NFIC: variants seen among roughly 807,000 people sequenced by gnomAD.
The protein encoded by NFIC is nuclear factor I C, also known as nuclear factor 1 C-type.
In NFIC, 12 loss-of-function variants were observed where a neutral mutation model predicts 54.4. The ratio of observed to expected loss-of-function variants is 0.22; its 90% confidence interval spans 0.14 to 0.36. The LOEUF (loss-of-function observed/expected upper bound fraction) is 0.36. Ranked by LOEUF, NFIC falls within the 10% of genes least tolerant of loss-of-function variation. The pLI, the probability that NFIC is intolerant of heterozygous loss-of-function variation, is 1.00. For missense variants in NFIC, 575 were observed against 718.2 expected, an observed-to-expected ratio of 0.80 and a Z score of 2.28; for synonymous variants, 322 against 319.2, an observed-to-expected ratio of 1.01 and a Z score of -0.09.
At chr19:3,414,222 A>G (rs1339217713) in intron 2 of NFIC, among the ~76,000 whole-genome samples, 1 of 152,154 alleles carries the variant, frequency 6.6e-6, no homozygotes, top group East Asian at 1.9e-4. Context: ...GGCCAGTGAC[A>G]CTGTAAACAT....
At chr19:3,361,331 C>A (rs1194777004) in intron 1 of NFIC, among the ~76,000 whole-genome samples, 1 of 152,124 alleles carries the variant, frequency 6.6e-6, no homozygotes, top group East Asian at 1.9e-4. Context: ...AGGACGGGCC[C>A]GGGAGGTGGC....
At chr19:3,401,567 C>T (rs1351938125) in intron 2 of NFIC, among the ~76,000 whole-genome samples, 1 of 152,194 alleles carries the variant, frequency 6.6e-6, no homozygotes, top group Non-Finnish European at 1.5e-5. Context: ...CGGCGCAGCA[C>T]TGGGCACGCC....
At chr19:3,425,779 C>T (rs906479723) in intron 3 of NFIC, among the ~76,000 whole-genome samples, 18 of 148,386 alleles carry the variant, frequency 1.2e-4, no homozygotes, top group African/African-American at 4.2e-4. Flanking sequence ...GTCTTAGAAA[C>T]GGTCTCACGC....
chr19:3,462,843 C>A lies in NFIC; in HGVS notation c.*74C>A. ...GGGGCAGCACAGCCGGCCCCCGGCC[C>A]ACGTTTTCGGTGGAAAATTAGAGTG... On this transcript the variant is annotated 3_prime_UTR_variant, in exon 11 of 11. Transcript: ENST00000443272. 1.2e-6 allele frequency: 2 copies of A among 1,609,850 alleles called. No individual in the cohort carries two copies. The highest frequency in any genetic ancestry group is 2.2e-5 in the South Asian group (2 of 90,694).
chr19:3,435,537 G>C (rs567033352), intron 6 of NFIC, among the ~76,000 whole-genome samples: 3 of 152,228 alleles, frequency 2.0e-5, no homozygotes, highest in Admixed American at 6.5e-5. Context: ...TCAACAGGGC[G>C]CCTCTTCCTG....
At chr19:3,404,260 A>G (rs1029831244) in intron 2 of NFIC, among the ~76,000 whole-genome samples, 8 of 150,914 alleles carry the variant, frequency 5.3e-5, no homozygotes, top group African/African-American at 1.7e-4. Flanking sequence ...ACAGCGAGTT[A>G]TTTTCAGTCC....
At chr19:3,397,949 C>T (rs1484231084) in intron 2 of NFIC, among the ~76,000 whole-genome samples, 21 of 152,178 alleles carry the variant, frequency 1.4e-4, no homozygotes. Flanking sequence ...TTGGGTTTGA[C>T]CTTGGATAAA....
chr19:3,440,051 G>A lies in NFIC; in HGVS notation c.958+4844G>A, dbSNP rs1273717426. On this transcript the variant is annotated intron_variant, in intron 6 of 10. Transcript: ENST00000443272. ...GGACTTTACGTAAAGCACGCACCTG[G>A]GGCGTGAGAGCCGGGTTTATTATTA... Among the ~76,000 whole-genome samples, 3 of 152,246 alleles carry A rather than the reference G, an allele frequency of 2.0e-5. No homozygotes were observed. In the East Asian group the frequency reaches 5.8e-4, roughly 29 times the overall value.
At chr19:3,448,185 G>C (rs1404114287) in intron 6 of NFIC, among the ~76,000 whole-genome samples, 1 of 152,222 alleles carries the variant, frequency 6.6e-6, no homozygotes, top group Admixed American at 6.5e-5. Flanking sequence ...CGATTCTCCT[G>C]CCTCAGCCTC....
intron 2 of NFIC, among the ~76,000 whole-genome samples, chr19:3,417,671 G>A (rs2081884673): frequency 6.7e-6 from 1 of 148,220 alleles, no homozygotes; most frequent in South Asian, 2.1e-4. Context: ...TGTCGCCCAG[G>A]CTGGAGTGCA....
At chr19:3,373,745 G>A (rs901488725) in intron 1 of NFIC, among the ~76,000 whole-genome samples, 11 of 151,520 alleles carry the variant, frequency 7.3e-5, no homozygotes, top group Admixed American at 4.6e-4. Flanking sequence ...TTAACCATCC[G>A]TCCCTGCCCC....
At chr19:3,372,987 G>A (rs1359650955) in intron 1 of NFIC, among the ~76,000 whole-genome samples, 1 of 152,148 alleles carries the variant, frequency 6.6e-6, no homozygotes, top group Non-Finnish European at 1.5e-5. Context: ...TGGGATTGCA[G>A]GTGTGTGTCA....
intron 2 of NFIC, among the ~76,000 whole-genome samples, chr19:3,385,783 G>T (rs1219577871): frequency 6.6e-6 from 1 of 151,920 alleles, no homozygotes. Context: ...TGTTGGCCAG[G>T]CTGGTCTCCA....
chr19:3,450,217 C>T (rs972172702), intron 7 of NFIC, among the ~76,000 whole-genome samples: 45 of 151,830 alleles, frequency 3.0e-4, no homozygotes, highest in Admixed American at 1.1e-3. Flanking sequence ...TGGTGGCAGG[C>T]GCCTGTAGTC....
Position 3,386,536 on chromosome 19 carries a change from T to C in NFIC, c.562+4293T>C, listed in dbSNP as rs1047566096. On this transcript the variant is annotated intron_variant, in intron 2 of 10. Transcript: ENST00000443272. ...CGGGCTTTCACCATGTTGGCCAGGG[T>C]GGTCTGGAACTCATGGCCTCAAGTG... 2.6e-5 allele frequency among the ~76,000 whole-genome samples: 4 copies of C among 151,846 alleles called. No individual in the cohort carries two copies. In the South Asian group the frequency reaches 8.3e-4, roughly 32 times the overall value.
At position 3,368,752 on chromosome 19, in the gene NFIC, T is replaced by C. The variant is rs558668654; in HGVS notation, c.30+2086T>C. Among the ~76,000 whole-genome samples the C allele has an allele frequency of 5.1e-4, 78 of 152,212 alleles. 1 individual carries two copies. Among genetic ancestry groups the C allele is most frequent in the African/African-American group, 1.9e-3 (77 of 41,532 alleles). On this transcript the variant is annotated intron_variant, in intron 1 of 10. Coordinates refer to ENST00000443272, the MANE Select transcript of NFIC (RefSeq NM_001245002.2). The stretch of plus-strand genomic sequence containing the variant: ...GCCTGGTCTGGGGTAGCCAGTGGGG[T>C]GGGCTGGGGGACTCAGAAGGACCCT...
intron 2 of NFIC, among the ~76,000 whole-genome samples, chr19:3,414,933 G>A (rs1369554858): frequency 2.6e-5 from 4 of 151,834 alleles, no homozygotes; most frequent in Non-Finnish European, 5.9e-5. Context: ...TCTGCCTCCT[G>A]GGTTCAAGCG....
chr19:3,376,533 G>C (rs569763522), intron 1 of NFIC, among the ~76,000 whole-genome samples: 1 of 150,772 alleles, frequency 6.6e-6, no homozygotes, highest in African/African-American at 2.4e-5. Context: ...AGGAGTTTGA[G>C]ACCGGCCAAG....
intron 2 of NFIC, among the ~76,000 whole-genome samples, chr19:3,393,283 C>A (rs932377988): frequency 2.6e-5 from 4 of 152,098 alleles, no homozygotes; most frequent in Admixed American, 6.5e-5. Flanking sequence ...GGAGGTAGGG[C>A]CAGCAAGGAG....
Sources: allele counts gnomAD v4.1 joint callset (sites outside exome capture counted in the v4.1 genomes callset), GRCh38; gene constraint gnomAD v4.1.1; transcripts MANE v1.5; gene names NCBI Gene and HGNC (gene_info 2026-07-23, HGNC 2026-07-21).